The following ARL15 variants were observed in gnomAD, a reference collection of about 807,000 sequenced individuals.
ARL15 encodes the protein ADP-ribosylation factor-like protein 15.
ARL15 carries 19 observed loss-of-function variants against 25.2 expected under a neutral mutation model. The observed-to-expected ratio is 0.75, with a 90% confidence interval of 0.53 to 1.10. ARL15 has a LOEUF of 1.10. Ranked by LOEUF, ARL15 falls within the 50% of genes least tolerant of loss-of-function variation. ARL15 has a pLI of 0.00. For missense variants in ARL15, 220 were observed against 246.0 expected (o/e 0.89, Z 0.71); for synonymous variants, 94 against 86.8 (o/e 1.08, Z -0.46).
At chr5:54,252,993 G>A (rs1401940358) in intron 1 of ARL15, among the ~76,000 whole-genome samples, 4 of 152,066 alleles carry the variant, frequency 2.6e-5, no homozygotes, top group Non-Finnish European at 4.4e-5. Flanking sequence ...CCAAAGTGCT[G>A]TGATTACAGG....
intron 1 of ARL15, among the ~76,000 whole-genome samples, chr5:54,212,892 C>T (rs1756084996): frequency 1.3e-5 from 2 of 152,128 alleles, no homozygotes; most frequent in African/African-American, 2.4e-5. Flanking sequence ...AGTTTTATGA[C>T]CTTAGCCAAA....
chr5:54,213,755 AT>A (rs528265333), intron 1 of ARL15, among the ~76,000 whole-genome samples: 84 of 152,334 alleles, frequency 5.5e-4, no homozygotes, highest in African/African-American at 1.8e-3. Flanking sequence ...ATCCAAAAAA[AT>A]ACCACAAACT....
intron 1 of ARL15, among the ~76,000 whole-genome samples, chr5:54,173,080 G>A (rs1026721478): frequency 6.6e-6 from 1 of 151,918 alleles, no homozygotes; most frequent in South Asian, 2.1e-4. Flanking sequence ...CTACTCAGGG[G>A]ACTGAGGCAG....
intron 4 of ARL15, among the ~76,000 whole-genome samples, chr5:54,103,787 G>T (rs1371536619): frequency 6.6e-6 from 1 of 152,170 alleles, no homozygotes; most frequent in Non-Finnish European, 1.5e-5. Flanking sequence ...CATTGCAAAA[G>T]ATGAAAGCAG....
chr5:54,191,484 A>C (rs1755400101), intron 1 of ARL15, among the ~76,000 whole-genome samples: 1 of 112,388 alleles, frequency 8.9e-6, no homozygotes, highest in Non-Finnish European at 1.8e-5. Flanking sequence ...TGTATTTTAC[A>C]AAAATAAAAA....
At chr5:54,164,099 T>C (rs1037920937) in intron 2 of ARL15, among the ~76,000 whole-genome samples, 1 of 152,076 alleles carries the variant, frequency 6.6e-6, no homozygotes, top group Non-Finnish European at 1.5e-5. Context: ...TGCAAAATCC[T>C]TTATAATTTC....
rs117228862 is a variant in ARL15, at chr5:54,080,834, C to T, written c.462+32368G>A. 3.4e-4 allele frequency among the ~76,000 whole-genome samples: 52 copies of T among 152,174 alleles called. No individual in the cohort carries two copies. The East Asian group carries it at 5.2e-3, about 15-fold the overall frequency. The stretch of plus-strand genomic sequence containing the variant: ...CATCAGAAGAAGATGGGGACCTGAA[C>T]GTTTTCTAAATTTCAAGTCTATAAG... On this transcript the variant is annotated intron_variant, in intron 4 of 4. Coordinates refer to ENST00000504924, the MANE Select transcript of ARL15 (RefSeq NM_019087.3).
chr5:54,148,915 T>C (rs1405783191), intron 3 of ARL15, among the ~76,000 whole-genome samples: 4 of 152,212 alleles, frequency 2.6e-5, no homozygotes, highest in Non-Finnish European at 4.4e-5. Flanking sequence ...AATTCACACA[T>C]ACAATTTCAA....
At chr5:54,196,008 T>C (rs11740324) in intron 1 of ARL15, among the ~76,000 whole-genome samples, 20,840 of 152,094 alleles carry the variant, frequency 0.14, 1,828 homozygotes, top group Non-Finnish European at 0.21. Flanking sequence ...GTGAATATGC[T>C]AGGACATATT....
At chr5:54,292,971 G>A (rs1245610054) in intron 1 of ARL15, among the ~76,000 whole-genome samples, 2 of 152,154 alleles carry the variant, frequency 1.3e-5, no homozygotes, top group Admixed American at 6.5e-5. Context: ...AGTAGAAATT[G>A]AATTTTAATT....
intron 1 of ARL15, among the ~76,000 whole-genome samples, chr5:54,176,658 T>C (rs947975106): frequency 3.9e-5 from 6 of 152,090 alleles, no homozygotes; most frequent in African/African-American, 1.4e-4. Context: ...CACTAAGGCA[T>C]TGTGTAACTC....
intron 1 of ARL15, among the ~76,000 whole-genome samples, chr5:54,260,861 C>A (rs1228336374): frequency 1.3e-5 from 2 of 152,196 alleles, no homozygotes; most frequent in Non-Finnish European, 2.9e-5. Flanking sequence ...TATACTCGAT[C>A]ATTAATTGAC....
At chr5:54,029,386 GAGA>G (rs1187361272) in intron 4 of ARL15, among the ~76,000 whole-genome samples, 1 of 101,088 alleles carries the variant, frequency 9.9e-6, no homozygotes, top group East Asian at 2.9e-4. Context: ...ACTACACCTA[GAGA>G]AGCATGCTAA....
intron 3 of ARL15, among the ~76,000 whole-genome samples, chr5:54,146,756 CA>C (rs1490684056): frequency 6.6e-6 from 1 of 152,080 alleles, no homozygotes; most frequent in Non-Finnish European, 1.5e-5. Flanking sequence ...TCCTCATTGC[CA>C]GGGGGGTCAA....
At chr5:53,994,064 G>A (rs963050088) in intron 4 of ARL15, among the ~76,000 whole-genome samples, 4 of 152,232 alleles carry the variant, frequency 2.6e-5, no homozygotes, top group South Asian at 4.1e-4. Flanking sequence ...GAATAACCAC[G>A]TTGATAAGGA....
At chr5:53,933,652 A>AC (rs1332247575) in intron 4 of ARL15, among the ~76,000 whole-genome samples, 2 of 150,268 alleles carry the variant, frequency 1.3e-5, no homozygotes, top group Non-Finnish European at 2.9e-5. Context: ...CAAAAAAAAA[A>AC]AAAAAAAAAA....
chr5:54,090,126 A>G (rs1240211061), intron 4 of ARL15, among the ~76,000 whole-genome samples: 1 of 152,212 alleles, frequency 6.6e-6, no homozygotes, highest in East Asian at 1.9e-4. Flanking sequence ...ATTAACATTC[A>G]CAGCATCAGT....
At position 54,149,687 on chromosome 5, in the gene ARL15, A is replaced by G. The variant is rs138642059; in HGVS notation, c.253+4893T>C. ...GTGGTAGACTTGCCTAGAATCATAC[A>G]GAATTTCTGAGCTTTGAAACAAGTC... On this transcript the variant is annotated intron_variant, in intron 3 of 4. Coordinates refer to ENST00000504924, the MANE Select transcript of ARL15 (RefSeq NM_019087.3). 4.9e-3 allele frequency among the ~76,000 whole-genome samples: 749 copies of G among 152,344 alleles called. 3 individuals carry two copies. The highest frequency in any genetic ancestry group is 7.8e-3 in the Non-Finnish European group (530 of 68,026).
intron 1 of ARL15, among the ~76,000 whole-genome samples, chr5:54,209,189 T>A (rs1755962268): frequency 6.6e-6 from 1 of 151,984 alleles, no homozygotes; most frequent in African/African-American, 2.4e-5. Flanking sequence ...GGTAAAGATG[T>A]GTGTTGGGGT....
Sources: gnomAD v4.1 joint callset for allele counts (sites outside exome capture counted in the v4.1 genomes callset) on GRCh38, gnomAD v4.1.1 for gene constraint, MANE v1.5 for transcripts, NCBI Gene and HGNC (gene_info 2026-07-23, HGNC 2026-07-21) for gene names.